PCDH19: variants seen among roughly 807,000 people sequenced by gnomAD.
The protein encoded by PCDH19 is protocadherin 19.
PCDH19 carries 6 observed loss-of-function variants against 46.2 expected under a neutral mutation model. That is an observed-to-expected ratio of 0.13 (90% CI 0.07 to 0.26). PCDH19 has a LOEUF of 0.26. Among genes scored for constraint, PCDH19 ranks in the 10% least tolerant of loss-of-function variants. The pLI, the probability that PCDH19 is intolerant of heterozygous loss-of-function variation, is 1.00. For synonymous variants in PCDH19, 481 were observed against 415.7 expected, an observed-to-expected ratio of 1.16 and a Z score of -1.91; for missense variants, 740 against 972.3, an observed-to-expected ratio of 0.76 and a Z score of 3.18.
intron 5 of PCDH19, among the ~76,000 whole-genome samples, chrX:100,321,412 C>T (rs749096022): frequency 2.7e-5 from 3 of 111,762 alleles, no homozygotes; most frequent in Admixed American, 1.9e-4. Flanking sequence ...ACCTGTTCAC[C>T]GCATCCATGC....
At chrX:100,392,485 C>A (rs1049609969) in intron 3 of PCDH19, among the ~76,000 whole-genome samples, 4 of 112,156 alleles carry the variant, frequency 3.6e-5, no homozygotes, top group Non-Finnish European at 7.5e-5. Context: ...TACGAAAAAA[C>A]CATTATTTAG....
intron 5 of PCDH19, among the ~76,000 whole-genome samples, chrX:100,334,094 A>G (rs970597433): frequency 1.8e-5 from 2 of 111,225 alleles, no homozygotes; most frequent in African/African-American, 6.5e-5. Flanking sequence ...CCAGCCCACC[A>G]CAAGTAATTA....
At chrX:100,391,879 TAC>T in intron 3 of PCDH19, among the ~76,000 whole-genome samples, 1 of 112,474 alleles carries the variant, frequency 8.9e-6, no homozygotes, top group East Asian at 2.8e-4. Context: ...TCTTTGATGA[TAC>T]AGTCACTTGG....
In PCDH19 at chrX:100,402,780, C is replaced by T. The variant is rs371839798; in HGVS notation, c.2360G>A (p.Arg787His). ...KKKKISKNDI[R>H]LVPRDVEETD... Reference sequence around the variant, plus strand: ...CTCCTCCACATCCCGGGGTACCAGGCGGATGTCATTCTTACTGATTTTTTT... The same window carrying T: ...CTCCTCCACATCCCGGGGTACCAGGTGGATGTCATTCTTACTGATTTTTTT... Residue 787 changes from arginine (R) to histidine (H), a missense_variant, in exon 3 of 6, where the codon CGC becomes CAC. Transcript: ENST00000373034. 3 of 1,210,511 alleles carry T rather than the reference C, an allele frequency of 2.5e-6. No individual in the cohort carries two copies. The highest frequency in any genetic ancestry group is 3.4e-6 in the Non-Finnish European group (3 of 894,533).
At chrX:100,363,422 G>T (rs936201031) in intron 3 of PCDH19, among the ~76,000 whole-genome samples, 15 of 108,558 alleles carry the variant, frequency 1.4e-4, no homozygotes, top group Non-Finnish European at 2.3e-4. Context: ...CAAATGGCAA[G>T]TCTTCTTACC....
intron 3 of PCDH19, among the ~76,000 whole-genome samples, chrX:100,375,322 C>T (rs752120585): frequency 1.6e-4 from 18 of 111,625 alleles, no homozygotes; most frequent in Non-Finnish European, 1.9e-4. Flanking sequence ...TGTTCAATTC[C>T]CACCTGAGTG....
intron 3 of PCDH19, among the ~76,000 whole-genome samples, chrX:100,362,637 CA>C (rs1309137421): frequency 4.9e-4 from 49 of 100,072 alleles, no homozygotes; most frequent in South Asian, 4.6e-4. Context: ...ACTAAAAATA[CA>C]AAAAAAAAAA....
intron 5 of PCDH19, among the ~76,000 whole-genome samples, chrX:100,324,737 G>C (rs1925626089): frequency 9.0e-6 from 1 of 111,707 alleles, no homozygotes; most frequent in Admixed American, 9.5e-5. Context: ...AAGAGACGTA[G>C]ATAAGTGAAG....
At chrX:100,355,536 A>C (rs1001155237) in intron 3 of PCDH19, among the ~76,000 whole-genome samples, 9 of 111,848 alleles carry the variant, frequency 8.0e-5, no homozygotes, top group African/African-American at 2.9e-4. Flanking sequence ...TGTTCTTGGA[A>C]ACTATACAAT....
chrX:100,337,026 C>T (rs1320015172), intron 5 of PCDH19, among the ~76,000 whole-genome samples: 5 of 111,057 alleles, frequency 4.5e-5, no homozygotes, highest in Non-Finnish European at 7.5e-5. Flanking sequence ...AGAGATAACC[C>T]GGATAGGAAG....
chrX:100,349,612 A>G (rs1926511481), intron 4 of PCDH19, among the ~76,000 whole-genome samples: 1 of 112,414 alleles, frequency 8.9e-6, no homozygotes, highest in African/African-American at 3.2e-5. Flanking sequence ...TAGAGCCAGC[A>G]AAATAATACA....
At position 100,409,735 on chromosome X, in the gene PCDH19, C is replaced by CGCCGCA; in HGVS notation, c.-1139_-1138insTGCGGC. 1.9e-5 allele frequency: 5 copies of CGCCGCA among 257,118 alleles called. No homozygotes were observed. Among genetic ancestry groups the CGCCGCA allele is most frequent in the Non-Finnish European group, 3.5e-5 (5 of 144,108 alleles). 21.2% of individuals were successfully genotyped at this position (257,118 alleles called of 1,213,427 possible). ...CCGCCGCCGCCGCCGCCGCCGCCGC[C>CGCCGCA]GCCGCGGGAGGAAGCCCTCCTAGCT... On this transcript the variant is annotated 5_prime_UTR_variant, in exon 1 of 6. Coordinates refer to ENST00000373034, the MANE Select transcript of PCDH19 (RefSeq NM_001184880.2).
rs752853726 is a variant in PCDH19 at position 100,409,533 on chromosome X, G to A, written c.-936C>T. 1 of 124,814 alleles carries A rather than the reference G, an allele frequency of 8.0e-6. No individual in the cohort carries two copies. Among genetic ancestry groups the A allele is most frequent in the South Asian group, 2.7e-4 (1 of 3,745 alleles). 10.3% of individuals were successfully genotyped at this position (124,814 alleles called of 1,213,427 possible). On this transcript the variant is annotated 5_prime_UTR_variant, in exon 1 of 6. Coordinates refer to ENST00000373034, the MANE Select transcript of PCDH19 (RefSeq NM_001184880.2). ...CACGTCAAGTTTGTGGAAACGGGGA[G>A]ATGGCAATTTGTCCAAGAAAATCAA...
chrX:100,365,704 G>A (rs774554012), intron 3 of PCDH19, among the ~76,000 whole-genome samples: 16 of 110,811 alleles, frequency 1.4e-4, no homozygotes, highest in African/African-American at 4.9e-4. Flanking sequence ...TCTTGCACAC[G>A]CGCACACACA....
rs779106426 is a variant in PCDH19 at position 100,407,767 on chromosome X, G to A, written c.831C>T (p.Phe277=). 11 of 1,212,361 alleles carry A rather than the reference G, an allele frequency of 9.1e-6. No homozygotes were observed. The highest frequency in any genetic ancestry group is 1.7e-5 in the African/African-American group (1 of 58,024). The change falls in exon 1 of 6, where the codon TTC becomes TTT. Residue 277 remains phenylalanine, a synonymous_variant. Coordinates refer to ENST00000373034, the MANE Select transcript of PCDH19 (RefSeq NM_001184880.2). ...GCGTGCGGTCGTTGACGTAGCCATA[G>A]AAGGAGTAGACCACCTGGCCGTTGG... The part of the protein sequence containing the change: ...EGTNGQVVYS[F]YGYVNDRTRE...
chrX:100,406,363 A>G, intron 1 of PCDH19, 88 bp downstream of exon 1: 1 of 742,099 alleles, frequency 1.3e-6, no homozygotes, highest in Non-Finnish European at 2.1e-6. Context: ...GCATTTAAGT[A>G]GGAAACAAAA....
Position 100,408,810 on chromosome X carries a change from C to G in PCDH19, c.-213G>C. 1 of 138,443 alleles carries G rather than the reference C, an allele frequency of 7.2e-6. No individual in the cohort carries two copies. Among genetic ancestry groups the G allele is most frequent in the Middle Eastern group, 3.2e-3 (1 of 314 alleles). The allele number at this position is 138,443 out of a possible 1,213,427, so 11.4% of individuals were successfully genotyped here. On this transcript the variant is annotated 5_prime_UTR_variant, in exon 1 of 6. Coordinates refer to ENST00000373034, the MANE Select transcript of PCDH19 (RefSeq NM_001184880.2). ...GAGGTTGCGGCGGACGCGGCGGGGG[C>G]TCGCGGGGGCCCCGGGGGCTCCGAG...
chrX:100,313,585 G>C (rs72615543), intron 5 of PCDH19, among the ~76,000 whole-genome samples: 4,833 of 111,447 alleles, frequency 0.043, 253 homozygotes, highest in East Asian at 0.25. Flanking sequence ...TTATTAGTTA[G>C]TGAACAGCAA....
At chrX:100,312,202 G>C (rs1411333453) in intron 5 of PCDH19, among the ~76,000 whole-genome samples, 1 of 110,946 alleles carries the variant, frequency 9.0e-6, no homozygotes, top group African/African-American at 3.3e-5. Context: ...GGGTGTAAAA[G>C]GGGCTAGAAG....
Sources: allele counts gnomAD v4.1 joint callset (sites outside exome capture counted in the v4.1 genomes callset), GRCh38; gene constraint gnomAD v4.1.1; transcripts MANE v1.5; gene names NCBI Gene and HGNC (gene_info 2026-07-23, HGNC 2026-07-21).